GRID2: variants seen among roughly 807,000 people sequenced by gnomAD.
GRID2 encodes glutamate receptor ionotropic, delta-2.
GRID2 carries 33 observed loss-of-function variants against 114.8 expected under a neutral mutation model. The ratio of observed to expected loss-of-function variants is 0.29; its 90% CI spans 0.22 to 0.38. The LOEUF (loss-of-function observed/expected upper bound fraction) is 0.38. Among genes scored for constraint, GRID2 ranks in the 10% least tolerant of loss-of-function variants. The probability of loss-of-function intolerance (pLI) is 1.00; values close to 1 mark genes in which losing one functional copy is unlikely to be tolerated. For synonymous variants in GRID2, 505 were observed against 449.9 expected (o/e 1.12, Z -1.55); for missense variants, 1,184 against 1,257.7 (o/e 0.94, Z 0.89).
At chr4:92,333,340 G>A (rs1726991023) in intron 1 of GRID2, among the ~76,000 whole-genome samples, 1 of 152,184 alleles carries the variant, frequency 6.6e-6, no homozygotes, top group African/African-American at 2.4e-5. Flanking sequence ...GTACCAAGCT[G>A]GCCATGGGCA....
chr4:92,548,401 A>ATTTTTTTTTTTTTTTTTTTTTTTT lies in GRID2; in HGVS notation c.89-41712_89-41711insTTTTTTTTTTTTTTTTTTTTTTTT, dbSNP rs61653263. Reference sequence around the variant, plus strand: ...ATGAAGACATTTCTGAGACTGTGTAATTTTTTTTTTTTTTTTTTGAGACAG... The same window carrying ATTTTTTTTTTTTTTTTTTTTTTTT: ...ATGAAGACATTTCTGAGACTGTGTAATTTTTTTTTTTTTTTTTTTTTTTTTTTTTTTTTTTTTTTTTTGAGACAG... On this transcript the variant is annotated intron_variant, in intron 1 of 15. Coordinates refer to ENST00000282020, the MANE Select transcript of GRID2 (RefSeq NM_001510.4). Among the ~76,000 whole-genome samples, 156 of 60,792 alleles carry ATTTTTTTTTTTTTTTTTTTTTTTT rather than the reference A, an allele frequency of 2.6e-3. 56 individuals are homozygous for ATTTTTTTTTTTTTTTTTTTTTTTT. Among genetic ancestry groups the ATTTTTTTTTTTTTTTTTTTTTTTT allele is most frequent in the African/African-American group, 9.5e-3 (112 of 11,758 alleles). 39.9% of individuals were successfully genotyped at this position (60,792 alleles called of 152,430 possible). A position where few individuals can be genotyped will look rare whatever the true frequency, so the allele number is the denominator to read the frequency against.
chr4:92,858,568 T>G (rs569690760), intron 2 of GRID2, among the ~76,000 whole-genome samples: 2 of 152,296 alleles, frequency 1.3e-5, no homozygotes, highest in Admixed American at 1.3e-4. Context: ...GTTTTTTTTC[T>G]TTCTTTTGAG....
At chr4:93,071,681 T>A (rs988717203) in intron 2 of GRID2, among the ~76,000 whole-genome samples, 7 of 151,818 alleles carry the variant, frequency 4.6e-5, no homozygotes, top group Non-Finnish European at 4.4e-5. Flanking sequence ...AACCAATGAG[T>A]GAGCCAAAAT....
chr4:93,772,139 G>A lies in GRID2; in HGVS notation c.2665G>A (p.Asp889Asn), dbSNP rs368371281. ...RRVNSLCTDD[D>N]SPHKQFSTSS... ...TGTAAATAGCTTGTGCACAGATGAC[G>A]ACAGCCCCCATAAACAGTTTTCCAC... is the stretch of plus-strand genomic sequence containing the variant. Residue 889 changes from aspartate to asparagine, a missense_variant, in exon 16 of 16, where the codon GAC (aspartate) becomes AAC (asparagine). Transcript: ENST00000282020. 5.6e-6 allele frequency: 9 copies of A among 1,612,608 alleles called. No homozygotes were observed. Among genetic ancestry groups the A allele is most frequent in the Non-Finnish European group, 7.6e-6 (9 of 1,178,900 alleles).
chr4:92,884,432 A>C (rs1171606468), intron 2 of GRID2, among the ~76,000 whole-genome samples: 1 of 152,174 alleles, frequency 6.6e-6, no homozygotes, highest in Non-Finnish European at 1.5e-5. Context: ...AATAACCTTC[A>C]AGAACCTTTC....
chr4:93,146,111 G>T (rs1231886096), intron 4 of GRID2, among the ~76,000 whole-genome samples: 1 of 152,048 alleles, frequency 6.6e-6, no homozygotes, highest in African/African-American at 2.4e-5. Context: ...GGAATAGTAT[G>T]AATTATGTAG....
At chr4:92,880,917 C>T (rs1745958977) in intron 2 of GRID2, among the ~76,000 whole-genome samples, 4 of 151,550 alleles carry the variant, frequency 2.6e-5, no homozygotes, top group African/African-American at 9.7e-5. Flanking sequence ...TTTGTTTTAG[C>T]TTGAGACTGA....
intron 1 of GRID2, among the ~76,000 whole-genome samples, chr4:92,454,753 G>A (rs1386663450): frequency 1.2e-4 from 19 of 152,252 alleles, no homozygotes; most frequent in African/African-American, 3.9e-4. Flanking sequence ...GGAGAATGGC[G>A]CGAACCCAGG....
chr4:93,257,338 G>T (rs1749707829), intron 8 of GRID2, among the ~76,000 whole-genome samples: 1 of 151,854 alleles, frequency 6.6e-6, no homozygotes, highest in East Asian at 1.9e-4. Flanking sequence ...CTGTTACATT[G>T]TAAAGAGTGA....
rs559029890 is a variant in GRID2 at position 92,891,787 on chromosome 4, C to A, written c.245-193208C>A. 6.1e-4 allele frequency among the ~76,000 whole-genome samples: 93 copies of A among 152,182 alleles called. 1 individual carries two copies. Among genetic ancestry groups the A allele is most frequent in the Middle Eastern group, 6.8e-3 (2 of 292 alleles). On this transcript the variant is annotated intron_variant, in intron 2 of 15. Coordinates refer to ENST00000282020, the MANE Select transcript of GRID2 (RefSeq NM_001510.4). The stretch of plus-strand genomic sequence containing the variant: ...AGTACTGGGGGTGCAGAGTACAGAG[C>A]CCACTTATTGAGTCACACTTGCACA...
At chr4:92,441,293 T>A (rs1733059545) in intron 1 of GRID2, among the ~76,000 whole-genome samples, 1 of 151,894 alleles carries the variant, frequency 6.6e-6, no homozygotes, top group Non-Finnish European at 1.5e-5. Flanking sequence ...GAGGAAGAAA[T>A]TTGGGCTTGA....
At chr4:93,029,232 A>G (rs112019294) in intron 2 of GRID2, among the ~76,000 whole-genome samples, 40 of 152,138 alleles carry the variant, frequency 2.6e-4, no homozygotes, top group African/African-American at 8.2e-4. Context: ...TTTAAACTTT[A>G]GTACTGAATT....
intron 2 of GRID2, among the ~76,000 whole-genome samples, chr4:92,705,528 A>G (rs1428222308): frequency 6.6e-6 from 1 of 152,192 alleles, no homozygotes; most frequent in Non-Finnish European, 1.5e-5. Flanking sequence ...AGTTTAAAGT[A>G]TCAGAATTGT....
At chr4:92,839,018 C>G (rs550589424) in intron 2 of GRID2, among the ~76,000 whole-genome samples, 5 of 152,194 alleles carry the variant, frequency 3.3e-5, no homozygotes, top group African/African-American at 1.2e-4. Flanking sequence ...CTGATTAACA[C>G]AATGGATTAT....
chr4:92,336,318 C>T (rs1418904868), intron 1 of GRID2, among the ~76,000 whole-genome samples: 2 of 152,164 alleles, frequency 1.3e-5, no homozygotes, highest in South Asian at 2.1e-4. Context: ...AGCCAGATCC[C>T]TATAAAAATG....
At chr4:93,119,579 C>T (rs1314516143) in intron 4 of GRID2, among the ~76,000 whole-genome samples, 1 of 152,080 alleles carries the variant, frequency 6.6e-6, no homozygotes, top group Non-Finnish European at 1.5e-5. Flanking sequence ...CCTACTGTTC[C>T]ATGACATCCT....
intron 2 of GRID2, among the ~76,000 whole-genome samples, chr4:92,910,161 C>T (rs1458956391): frequency 6.6e-6 from 1 of 151,304 alleles, no homozygotes; most frequent in Non-Finnish European, 1.5e-5. Context: ...GCATTGATGA[C>T]CAGAATTGAG....
At chr4:92,978,997 G>C (rs532402684) in intron 2 of GRID2, among the ~76,000 whole-genome samples, 2 of 151,922 alleles carry the variant, frequency 1.3e-5, no homozygotes, top group Non-Finnish European at 2.9e-5. Flanking sequence ...CTCCAGCCCT[G>C]GTGGCTGAGA....
intron 9 of GRID2, among the ~76,000 whole-genome samples, chr4:93,413,277 G>A (rs1459239581): frequency 6.6e-6 from 1 of 152,104 alleles, no homozygotes. Context: ...CAGCTTTTTA[G>A]TAATCACCAT....
Sources: gnomAD v4.1 joint callset for allele counts (sites outside exome capture counted in the v4.1 genomes callset) on GRCh38, gnomAD v4.1.1 for gene constraint, MANE v1.5 for transcripts, NCBI Gene and HGNC (gene_info 2026-07-23, HGNC 2026-07-21) for gene names.